The following SBSN variants were observed in gnomAD, a reference collection of about 807,000 sequenced individuals.
SBSN encodes HLAR698.
Under a neutral mutation model 42.8 loss-of-function variants are expected in SBSN, and 33 were observed. That is an observed-to-expected ratio of 0.77 (90% CI 0.58 to 1.03). SBSN has a LOEUF of 1.03. Ranked by LOEUF, SBSN falls within the 50% of genes least tolerant of loss-of-function variation. The probability of loss-of-function intolerance (pLI) is 0.00; values close to 1 mark genes in which losing one functional copy is unlikely to be tolerated. For missense variants in SBSN, 646 were observed against 757.3 expected, an observed-to-expected ratio of 0.85 and a Z score of 1.72; for synonymous variants, 276 against 307.0, an observed-to-expected ratio of 0.90 and a Z score of 1.06.
In SBSN at chr19:35,526,877, C is replaced by A; in HGVS notation, c.1405G>T (p.Ala469Ser). The A allele has an allele frequency of 6.2e-7, 1 of 1,613,808 alleles. No homozygotes were observed. The highest frequency in any genetic ancestry group is 1.3e-5 in the African/African-American group (1 of 74,964). Residue 469 changes from alanine to serine, a missense_variant, in exon 1 of 4, where the codon GCC (alanine) becomes TCC (serine). Coordinates refer to ENST00000452271, the MANE Select transcript of SBSN (RefSeq NM_001166034.2). ...ACCGCTTTGTCTGCTTCCTTCCCGG[C>A]CTGTTCAAGGGTATGGTGAACTCCC... ...GQGVHHTLEQ[A>S]GKEADKAVQG...
At chr19:35,523,586 G>T in intron 3 of SBSN, 53 bp from the exon 4 acceptor site, 1 of 1,584,874 alleles carries the variant, frequency 6.3e-7, no homozygotes, top group African/African-American at 1.3e-5. Context: ...GTCATGACGG[G>T]ACCCGAGACC....
intron 1 of SBSN, among the ~76,000 whole-genome samples, chr19:35,526,251 C>G (rs2071368645): frequency 6.6e-6 from 1 of 152,188 alleles, no homozygotes; most frequent in East Asian, 1.9e-4. Flanking sequence ...CATGCTCACT[C>G]TCCTAACCAG....
intron 3 of SBSN, 88 bp downstream of exon 3, chr19:35,524,623 G>A (rs1568671223): frequency 2.1e-6 from 3 of 1,441,638 alleles, no homozygotes; most frequent in African/African-American, 1.4e-5. Context: ...CCCGCCCGGG[G>A]AGCTGTCCAA....
At chr19:35,526,546 G>T in intron 1 of SBSN, 98 bp downstream of exon 1, 1 of 1,127,176 alleles carries the variant, frequency 8.9e-7, no homozygotes, top group African/African-American at 1.5e-5. Context: ...CCAAACAAAG[G>T]CTACGCGGAC....
In SBSN at chr19:35,523,543, A is replaced by T. The variant is rs773805272; in HGVS notation, c.1750-10T>A. On this transcript the variant is annotated splice_polypyrimidine_tract_variant and intron_variant, in intron 3 of 3. Coordinates refer to ENST00000452271, the MANE Select transcript of SBSN (RefSeq NM_001166034.2). Reference sequence around the variant, plus strand: ...TGATGTTGGCGACGCTCTGGAAGAGAGAAGGAGAGCAGGGGTGAATGTAGG... The same window carrying T: ...TGATGTTGGCGACGCTCTGGAAGAGTGAAGGAGAGCAGGGGTGAATGTAGG... 3.4e-5 allele frequency: 55 copies of T among 1,614,002 alleles called. No individual in the cohort carries two copies. In the South Asian group the frequency reaches 6.0e-4, roughly 18 times the overall value.
Position 35,527,468 on chromosome 19 carries a change from A to T in SBSN, c.814T>A (p.Trp272Arg), listed in dbSNP as rs561226590. 6.5e-7 allele frequency: 1 copy of T among 1,547,670 alleles called. No individual in the cohort carries two copies. The highest frequency in any genetic ancestry group is 1.9e-5 in the Admixed American group (1 of 53,480). Residue 272 changes from tryptophan (W) to arginine (R), a missense_variant, in exon 1 of 4, where the codon TGG (tryptophan) becomes AGG (arginine). This residue lies in a region of SBSN where 220 missense variants were observed against 334.5 expected (regional missense o/e 0.66). Coordinates refer to ENST00000452271, the MANE Select transcript of SBSN (RefSeq NM_001166034.2). Reference protein sequence around the residue: ...QGVHHGLSEGWKETEKFGQGV... With the variant: ...QGVHHGLSEGRKETEKFGQGV... ...TGGCCAAACTTCTCTGTCTCCTTCC[A>T]GCCCTCACTGAGACCATGGTGGACC...
At chr19:35,525,404 T>C (rs1426029899) in intron 1 of SBSN, among the ~76,000 whole-genome samples, 1 of 152,124 alleles carries the variant, frequency 6.6e-6, no homozygotes, top group Admixed American at 6.6e-5. Flanking sequence ...CACCGTCCTC[T>C]GCTCGCGGCA....
At position 35,527,848 on chromosome 19, in the gene SBSN, G is replaced by T. The variant is rs182436431; in HGVS notation, c.434C>A (p.Ala145Glu). 5.0e-6 allele frequency: 8 copies of T among 1,613,788 alleles called. No individual in the cohort carries two copies. Among genetic ancestry groups the T allele is most frequent in the Admixed American group, 1.7e-5 (1 of 60,000 alleles). ...GCCAAACTTCCCTGCCTCACTTCCC[G>T]CCTGGTTGGCCCCGTGATGGACCCC... is the stretch of plus-strand genomic sequence containing the variant. ...HHGVHHGANQ[A>E]GSEAGKFGQG... Residue 145 changes from alanine (A) to glutamate (E), a missense_variant, in exon 1 of 4, where the codon GCG becomes GAG. By Grantham distance (107) the Ala-to-Glu change is moderately radical (BLOSUM62 -1). Around this residue, in one of 3 missense-constraint regions of SBSN, gnomAD observed 190 missense variants for 197.1 expected, o/e 0.96. Transcript: ENST00000452271.
Position 35,526,712 on chromosome 19 carries a change from C to A in SBSN, c.1570G>T (p.Gly524Trp), listed in dbSNP as rs376184068. The change falls in exon 1 of 4, where the codon GGG becomes TGG. Residue 524 changes from glycine to tryptophan, a missense_variant. Physicochemically the swap from Gly to Trp is radical, Grantham distance 184. This residue lies in a region of SBSN where 236 missense variants were observed against 225.6 expected (regional missense o/e 1.05). Transcript: ENST00000452271. The stretch of plus-strand genomic sequence containing the variant: ...TTATGAGCATTCTGCAGCTCCTTCC[C>A]GGCCTGGCCAGCAGCATGGTGGGCA... ...QGAHHAAGQA[G>W]KELQNAHNGV... 1.2e-6 allele frequency: 2 copies of A among 1,613,940 alleles called. No individual in the cohort carries two copies. Among genetic ancestry groups the A allele is most frequent in the Non-Finnish European group, 1.7e-6 (2 of 1,179,952 alleles).
In SBSN at chr19:35,527,039, C is replaced by G; in HGVS notation, c.1243G>C (p.Ala415Pro). 3 of 1,540,576 alleles carry G rather than the reference C, an allele frequency of 1.9e-6. No homozygotes were observed. Among genetic ancestry groups the G allele is most frequent in the Non-Finnish European group, 2.6e-6 (3 of 1,147,000 alleles). Reference sequence around the variant, plus strand: ...CCAAACTGCCCCGCCTCCCTTCCAGCCTGACTAACGCCATGATGGAGGCCT... The same window carrying G: ...CCAAACTGCCCCGCCTCCCTTCCAGGCTGACTAACGCCATGATGGAGGCCT... ...VQGLHHGVSQ[A>P]GREAGQFGHD... is the part of the protein sequence containing the mutation. Residue 415 changes from alanine (A) to proline (P), a missense_variant, in exon 1 of 4, where the codon GCT becomes CCT. Transcript: ENST00000452271.
chr19:35,527,145 G>C lies in SBSN; in HGVS notation c.1137C>G (p.Ala379=). ...GGCCAAACTTCTCTGCTTCCTTCCA[G>C]GCCTCATTAACCCCATGGTGGACCC... is the stretch of plus-strand genomic sequence containing the variant. ...GHGVHHGVNE[A]WKEAEKFGQG... The change falls in exon 1 of 4, where the codon GCC becomes GCG. Residue 379 remains alanine, a synonymous_variant. Coordinates refer to ENST00000452271, the MANE Select transcript of SBSN (RefSeq NM_001166034.2). The C allele has an allele frequency of 2.6e-6, 4 of 1,534,806 alleles. No homozygotes were observed. Among genetic ancestry groups the C allele is most frequent in the Non-Finnish European group, 3.5e-6 (4 of 1,146,224 alleles).
Position 35,527,305 on chromosome 19 carries a change from C to G in SBSN, c.977G>C (p.Gly326Ala). The G allele has an allele frequency of 2.6e-6, 4 of 1,530,130 alleles. No homozygotes were observed. The highest frequency in any genetic ancestry group is 3.5e-6 in the Non-Finnish European group (4 of 1,144,202). 94.8% of individuals were successfully genotyped at this position (1,530,130 alleles called of 1,614,324 possible). A position where few individuals can be genotyped will look rare whatever the true frequency, so the allele number is the denominator to read the frequency against. Residue 326 changes from glycine (G) to alanine (A), a missense_variant, in exon 1 of 4, where the codon GGA (glycine) becomes GCA (alanine). Physicochemically the swap from Gly to Ala is moderately conservative, Grantham distance 60. Coordinates refer to ENST00000452271, the MANE Select transcript of SBSN (RefSeq NM_001166034.2). Reference protein sequence around the residue: ...QGAHHAAGQAGNEAGRFGQGV... With the variant: ...QGAHHAAGQAANEAGRFGQGV... ...CTGGCCAAACCTCCCAGCCTCATTTCCGGCCTGCCCCGCAGCATGGTGGGC... is the reference window on the plus strand; with the variant it reads ...CTGGCCAAACCTCCCAGCCTCATTTGCGGCCTGCCCCGCAGCATGGTGGGC...
At position 35,526,838 on chromosome 19, in the gene SBSN, T is replaced by C. The variant is rs867790555; in HGVS notation, c.1444A>G (p.Thr482Ala). The C allele has an allele frequency of 6.2e-7, 1 of 1,609,652 alleles. No individual in the cohort carries two copies. Among genetic ancestry groups the C allele is most frequent in the Non-Finnish European group, 8.5e-7 (1 of 1,178,764 alleles). ...EADKAVQGFH[T>A]GVHQAGKEAE... Reference sequence around the variant, plus strand: ...TCCTTCCCAGCCTGGTGGACCCCAGTGTGGAACCCTTGGACCGCTTTGTCT... The same window carrying C: ...TCCTTCCCAGCCTGGTGGACCCCAGCGTGGAACCCTTGGACCGCTTTGTCT... The change falls in exon 1 of 4, where the codon ACT (threonine) becomes GCT (alanine). Residue 482 changes from threonine (T) to alanine (A), a missense_variant. Physicochemically the swap from Thr to Ala is moderately conservative, Grantham distance 58. Around this residue, in one of 3 missense-constraint regions of SBSN, gnomAD observed 236 missense variants for 225.6 expected, o/e 1.05. Coordinates refer to ENST00000452271, the MANE Select transcript of SBSN (RefSeq NM_001166034.2).
chr19:35,527,730 C>T lies in SBSN; in HGVS notation c.552G>A (p.Glu184=). ...VHHAAGQAGN[E]AGRFGQGVHH... Reference sequence around the variant, plus strand: ...GGACTCCCTGGCCAAACCTCCCAGCCTCATTTCCGGCCTGCCCTGCAGCAT... The same window carrying T: ...GGACTCCCTGGCCAAACCTCCCAGCTTCATTTCCGGCCTGCCCTGCAGCAT... Residue 184 remains glutamate, a synonymous_variant, in exon 1 of 4, where the codon GAG becomes GAA. Coordinates refer to ENST00000452271, the MANE Select transcript of SBSN (RefSeq NM_001166034.2). 1.3e-6 allele frequency: 2 copies of T among 1,575,766 alleles called. No homozygotes were observed. The highest frequency in any genetic ancestry group is 2.3e-5 in the East Asian group (1 of 43,936).
In SBSN at chr19:35,527,889, G is replaced by T; in HGVS notation, c.393C>A (p.Asp131Glu). 2 of 1,613,036 alleles carry T rather than the reference G, an allele frequency of 1.2e-6. No homozygotes were observed. The highest frequency in any genetic ancestry group is 1.7e-6 in the Non-Finnish European group (2 of 1,179,706). The change falls in exon 1 of 4, where the codon GAC becomes GAA. Residue 131 changes from aspartate (D) to glutamate (E), a missense_variant. Physicochemically the swap from Asp to Glu is conservative, Grantham distance 45. Coordinates refer to ENST00000452271, the MANE Select transcript of SBSN (RefSeq NM_001166034.2). ...GATGGACCCCATGATGGATCAGTTTGTCTGCCTCCTTCCCAACCTGTCCAG... is the reference window on the plus strand; with the variant it reads ...GATGGACCCCATGATGGATCAGTTTTTCTGCCTCCTTCCCAACCTGTCCAG... ...NAAGQVGKEA[D>E]KLIHHGVHHG...
Position 35,527,222 on chromosome 19 carries a change from C to G in SBSN, c.1060G>C (p.Val354Leu). ...CCAAACTGACTGGCAGCATGGTGGACCCCCTGGCCAAACTTCTCTGTCTCC... is the reference window on the plus strand; with the variant it reads ...CCAAACTGACTGGCAGCATGGTGGAGCCCCTGGCCAAACTTCTCTGTCTCC... ...WKETEKFGQG[V>L]HHAASQFGKE... Residue 354 changes from valine (V) to leucine (L), a missense_variant, in exon 1 of 4, where the codon GTC becomes CTC. Val to Leu is a conservative substitution (Grantham distance 32). Around this residue, in one of 3 missense-constraint regions of SBSN, gnomAD observed 220 missense variants for 334.5 expected, o/e 0.66. Transcript: ENST00000452271. 3 of 1,535,208 alleles carry G rather than the reference C, an allele frequency of 2.0e-6. No individual in the cohort carries two copies. The highest frequency in any genetic ancestry group is 2.6e-6 in the Non-Finnish European group (3 of 1,146,306).
chr19:35,527,031 C>A lies in SBSN; in HGVS notation c.1251G>T (p.Arg417Ser). Residue 417 changes from arginine (R) to serine (S), a missense_variant, in exon 1 of 4, where the codon AGG becomes AGT. Arg to Ser is a moderately radical substitution (Grantham distance 110, BLOSUM62 -1). This residue lies in a region of SBSN where 236 missense variants were observed against 225.6 expected (regional missense o/e 1.05). Coordinates refer to ENST00000452271, the MANE Select transcript of SBSN (RefSeq NM_001166034.2). Reference protein sequence around the residue: ...GLHHGVSQAGREAGQFGHDIH... With the variant: ...GLHHGVSQAGSEAGQFGHDIH... The stretch of plus-strand genomic sequence containing the variant: ...TGTCGTGGCCAAACTGCCCCGCCTC[C>A]CTTCCAGCCTGACTAACGCCATGAT... 1 of 1,541,314 alleles carries A rather than the reference C, an allele frequency of 6.5e-7. No individual in the cohort carries two copies. Among genetic ancestry groups the A allele is most frequent in the South Asian group, 1.2e-5 (1 of 84,094 alleles).
At chr19:35,524,161 T>G (rs1233744533) in intron 3 of SBSN, among the ~76,000 whole-genome samples, 1 of 152,060 alleles carries the variant, frequency 6.6e-6, no homozygotes, top group South Asian at 2.1e-4. Context: ...GCCTGGGAGA[T>G]AGAGTGAGAC....
rs958362497 is a variant in SBSN at position 35,528,012 on chromosome 19, G to A, written c.270C>T (p.Leu90=). ...GKELDKGVQG[L]NHGMDKVAHE... ...GGGCAACCTTGTCCATGCCGTGGTT[G>A]AGCCCCTGGACGCCTTTGTCCAACT... Residue 90 remains leucine (L), a synonymous_variant, in exon 1 of 4, where the codon CTC becomes CTT. Transcript: ENST00000452271. 6 of 1,613,634 alleles carry A rather than the reference G, an allele frequency of 3.7e-6. No homozygotes were observed. In the African/African-American group the frequency reaches 8.0e-5, roughly 22 times the overall value.
Sources: gnomAD v4.1 joint callset for allele counts (sites outside exome capture counted in the v4.1 genomes callset) on GRCh38, gnomAD v4.1.1 for gene constraint, gnomAD v4.1.1 regional missense constraint, MANE v1.5 for transcripts, NCBI Gene and HGNC (gene_info 2026-07-23, HGNC 2026-07-21) for gene names.